FRAS1: variants seen among roughly 807,000 people sequenced by gnomAD.
FRAS1 encodes the protein extracellular matrix organizing protein FRAS1.
In FRAS1, 290 loss-of-function variants were observed where a neutral mutation model predicts 435.2. That is an observed-to-expected ratio of 0.67 (90% CI 0.61 to 0.73). The LOEUF (loss-of-function observed/expected upper bound fraction) is 0.73, where lower values mean the gene tolerates loss of function less well. Ranked by LOEUF, FRAS1 falls within the 30% of genes least tolerant of loss-of-function variation. The pLI, the probability that FRAS1 is intolerant of heterozygous loss-of-function variation, is 0.00. For synonymous variants in FRAS1, 1,800 were observed against 1,851.0 expected (o/e 0.97, Z 0.71); for missense variants, 4,860 against 5,001.5 (o/e 0.97, Z 0.85).
chr4:78,185,638 C>G (rs754287995), intron 2 of FRAS1, among the ~76,000 whole-genome samples: 4 of 152,124 alleles, frequency 2.6e-5, no homozygotes, highest in Non-Finnish European at 5.9e-5. Context: ...GGTTGATTGT[C>G]ATACAGTTTT....
intron 29 of FRAS1, among the ~76,000 whole-genome samples, chr4:78,391,748 G>A (rs577421869): frequency 2.0e-5 from 3 of 152,258 alleles, no homozygotes; most frequent in South Asian, 4.2e-4. Flanking sequence ...ATTGCTGAGA[G>A]TCCTCTCTGG....
At chr4:78,091,505 G>A (rs781150062) in intron 2 of FRAS1, among the ~76,000 whole-genome samples, 4 of 152,002 alleles carry the variant, frequency 2.6e-5, no homozygotes, top group Non-Finnish European at 5.9e-5. Context: ...GGAATGAATG[G>A]GCCAAAATGT....
chr4:78,407,768 A>G lies in FRAS1; in HGVS notation c.4235A>G (p.Gln1412Arg). 1 of 1,613,928 alleles carries G rather than the reference A, an allele frequency of 6.2e-7. No individual in the cohort carries two copies. The highest frequency in any genetic ancestry group is 1.6e-4 in the Middle Eastern group (1 of 6,062). The part of the protein sequence containing the change: ...TATPTSTFTQ[Q>R]DINEGIVWYR... ...ACCCCCACCAGCACCTTCACCCAGC[A>G]GGACATCAATGAAGGCATCGTATGG... The change falls in exon 31 of 74, where the codon CAG (glutamine) becomes CGG (arginine). Residue 1412 changes from glutamine (Q) to arginine (R), a missense_variant. Transcript: ENST00000512123.
intron 20 of FRAS1, among the ~76,000 whole-genome samples, chr4:78,344,213 G>A (rs572409816): frequency 2.6e-5 from 4 of 152,086 alleles, no homozygotes; most frequent in South Asian, 4.2e-4. Flanking sequence ...ATCAGCTCAC[G>A]TTCTCTGTGA....
At chr4:78,519,729 C>A (rs1473072885) in intron 67 of FRAS1, among the ~76,000 whole-genome samples, 1 of 152,162 alleles carries the variant, frequency 6.6e-6, no homozygotes, top group East Asian at 1.9e-4. Flanking sequence ...CAAATGAGTC[C>A]TCTACTGCCC....
chr4:78,479,285 G>A, intron 55 of FRAS1, 89 bp from the exon 56 acceptor site: 2 of 817,280 alleles, frequency 2.4e-6, no homozygotes, highest in South Asian at 5.6e-5. Context: ...GACTGTTTGG[G>A]AGGGACCAAG....
chr4:78,138,614 T>C (rs1408446495), intron 2 of FRAS1, among the ~76,000 whole-genome samples: 2 of 152,216 alleles, frequency 1.3e-5, no homozygotes, highest in African/African-American at 2.4e-5. Context: ...CCATTGTGTG[T>C]TCCTGGACAA....
intron 9 of FRAS1, among the ~76,000 whole-genome samples, chr4:78,267,733 C>T (rs754879634): frequency 3.9e-5 from 6 of 152,220 alleles, no homozygotes; most frequent in Non-Finnish European, 5.9e-5. Context: ...TATCAGGCAG[C>T]GCAGCTGGAT....
At chr4:78,340,202 A>T (rs915697386) in intron 20 of FRAS1, among the ~76,000 whole-genome samples, 1 of 152,168 alleles carries the variant, frequency 6.6e-6, no homozygotes, top group South Asian at 2.1e-4. Flanking sequence ...GAAGCCCCCA[A>T]CCCTAGAAGA....
chr4:78,312,354 T>C (rs1729061204), intron 15 of FRAS1, among the ~76,000 whole-genome samples: 1 of 152,002 alleles, frequency 6.6e-6, no homozygotes, highest in Non-Finnish European at 1.5e-5. Context: ...GATATAGAAA[T>C]TTCTAAATTT....
chr4:78,240,505 T>G (rs1400487010), intron 3 of FRAS1, among the ~76,000 whole-genome samples: 1 of 152,188 alleles, frequency 6.6e-6, no homozygotes, highest in Non-Finnish European at 1.5e-5. Context: ...CAGCTGATAT[T>G]GAGAATACAG....
chr4:78,515,484 C>T (rs1331462785), intron 65 of FRAS1, among the ~76,000 whole-genome samples: 4 of 152,156 alleles, frequency 2.6e-5, no homozygotes, highest in Non-Finnish European at 5.9e-5. Flanking sequence ...GTATAACAGG[C>T]AAAGCTTCAG....
intron 3 of FRAS1, among the ~76,000 whole-genome samples, chr4:78,241,358 C>A (rs1578202171): frequency 1.3e-5 from 2 of 152,176 alleles, no homozygotes; most frequent in Non-Finnish European, 2.9e-5. Context: ...ATCTTGCCAT[C>A]TTCACTATTG....
chr4:78,406,580 C>T (rs755273942), intron 30 of FRAS1, among the ~76,000 whole-genome samples: 12 of 152,198 alleles, frequency 7.9e-5, no homozygotes, highest in African/African-American at 2.9e-4. Flanking sequence ...CAATTACCTT[C>T]CCCTGGGTCC....
chr4:78,346,698 TAAAAC>T (rs1393906773), intron 20 of FRAS1, among the ~76,000 whole-genome samples: 4 of 152,200 alleles, frequency 2.6e-5, no homozygotes, highest in African/African-American at 9.6e-5. Context: ...TATTATCTGA[TAAAAC>T]AAAACAAACA....
chr4:78,071,679 G>A (rs1740356096), intron 2 of FRAS1: 1 of 152,208 alleles, frequency 6.6e-6, no homozygotes, highest in Non-Finnish European at 1.5e-5. Context: ...AGTACTTGAA[G>A]TGTGGCTGAC....
chr4:78,384,439 A>G (rs1396532815), intron 28 of FRAS1, among the ~76,000 whole-genome samples: 5 of 152,208 alleles, frequency 3.3e-5, no homozygotes, highest in Admixed American at 2.0e-4. Context: ...TTTACAGACA[A>G]GGAAACAAAG....
At chr4:78,108,548 C>G in intron 2 of FRAS1, among the ~76,000 whole-genome samples, 1 of 101,334 alleles carries the variant, frequency 9.9e-6, no homozygotes, top group South Asian at 3.2e-4. Flanking sequence ...TCTTTGAAAC[C>G]AACGAGAACA....
chr4:78,170,798 C>G (rs1297867871), intron 2 of FRAS1, among the ~76,000 whole-genome samples: 1 of 152,056 alleles, frequency 6.6e-6, no homozygotes. Context: ...TATATGCCAT[C>G]TGAGTAGCTC....
Sources: gnomAD v4.1 joint callset for allele counts (sites outside exome capture counted in the v4.1 genomes callset) on GRCh38, gnomAD v4.1.1 for gene constraint, MANE v1.5 for transcripts, NCBI Gene and HGNC (gene_info 2026-07-23, HGNC 2026-07-21) for gene names.